The following MEMO1 variants were observed in gnomAD, a reference collection of about 807,000 sequenced individuals.
MEMO1 encodes protein MEMO1.
In MEMO1, 6 loss-of-function variants were observed where a neutral mutation model predicts 45.2. The observed-to-expected ratio is 0.13, with a 90% CI of 0.07 to 0.26. MEMO1 has a LOEUF of 0.26. Among genes scored for constraint, MEMO1 ranks in the 10% least tolerant of loss-of-function variants. MEMO1 has a pLI of 1.00. For missense variants in MEMO1, 184 were observed against 370.5 expected (o/e 0.50, Z 4.13); for synonymous variants, 78 against 124.3 (o/e 0.63, Z 2.48).
intron 6 of MEMO1, among the ~76,000 whole-genome samples, chr2:31,896,261 T>C (rs888520953): frequency 6.6e-6 from 1 of 152,174 alleles, no homozygotes; most frequent in Non-Finnish European, 1.5e-5. Context: ...AAAATAATAA[T>C]GAACTTGTCT....
At chr2:31,920,662 T>C (rs1341250851) in intron 5 of MEMO1, 136 bp downstream of exon 5, 5 of 433,700 alleles carry the variant, frequency 1.2e-5, no homozygotes, top group African/African-American at 2.1e-5. Flanking sequence ...TGCTGTTTTA[T>C]GCAGATTAGT....
At chr2:31,872,045 A>ACACACACACACACAC (rs1553355618) in intron 8 of MEMO1, among the ~76,000 whole-genome samples, 1 of 151,692 alleles carries the variant, frequency 6.6e-6, no homozygotes, top group African/African-American at 2.4e-5. Context: ...ACACACACAC[A>ACACACACACACACAC]AAGTTAAACC....
At chr2:31,911,613 G>A (rs940843845) in intron 6 of MEMO1, among the ~76,000 whole-genome samples, 7 of 152,134 alleles carry the variant, frequency 4.6e-5, no homozygotes, top group Admixed American at 2.0e-4. Context: ...AGGAAAAACC[G>A]CTTAGGTAGG....
intron 3 of MEMO1, among the ~76,000 whole-genome samples, chr2:31,932,724 C>T (rs1047764238): frequency 6.6e-6 from 1 of 152,100 alleles, no homozygotes; most frequent in Non-Finnish European, 1.5e-5. Context: ...CATAAGCCAC[C>T]GCACTTGGCC....
chr2:31,957,802 T>G (rs1461473752), intron 2 of MEMO1, among the ~76,000 whole-genome samples: 1 of 152,232 alleles, frequency 6.6e-6, no homozygotes, highest in Non-Finnish European at 1.5e-5. Context: ...TTCGTCAGCA[T>G]TTACAGATAA....
intron 2 of MEMO1, among the ~76,000 whole-genome samples, chr2:31,967,124 ATTTT>A (rs35691981): frequency 2.5e-5 from 3 of 118,390 alleles, no homozygotes; most frequent in Admixed American, 8.6e-5. Flanking sequence ...TCAGTATTTT[ATTTT>A]TTTTTTTTTT....
intron 6 of MEMO1, among the ~76,000 whole-genome samples, chr2:31,906,699 A>C (rs1245187840): frequency 2.6e-5 from 4 of 152,154 alleles, no homozygotes; most frequent in Admixed American, 6.5e-5. Context: ...TGTACCAGTC[A>C]CAGAATAAAA....
At chr2:32,003,321 T>C (rs1427519366) in intron 2 of MEMO1, among the ~76,000 whole-genome samples, 1 of 152,222 alleles carries the variant, frequency 6.6e-6, no homozygotes, top group African/African-American at 2.4e-5. Context: ...AAGAATGTTC[T>C]TTGAAATTAT....
intron 4 of MEMO1, among the ~76,000 whole-genome samples, chr2:31,923,247 T>C (rs1682595552): frequency 1.3e-5 from 2 of 152,200 alleles, no homozygotes; most frequent in Non-Finnish European, 2.9e-5. Flanking sequence ...TTTCATATGC[T>C]TGTTGGCCAC....
At chr2:31,907,122 C>T (rs571633986) in intron 6 of MEMO1, among the ~76,000 whole-genome samples, 22 of 152,258 alleles carry the variant, frequency 1.4e-4, no homozygotes, top group African/African-American at 4.8e-4. Flanking sequence ...TATGCCTAAT[C>T]CCATGAAAAC....
At chr2:31,968,126 G>C (rs912441341) in intron 2 of MEMO1, among the ~76,000 whole-genome samples, 2 of 152,186 alleles carry the variant, frequency 1.3e-5, no homozygotes, top group African/African-American at 4.8e-5. Context: ...ATTAGCTGCT[G>C]TGCTTAATAA....
At chr2:31,923,412 T>C (rs1347053212) in intron 4 of MEMO1, 2 of 354,066 alleles carry the variant, frequency 5.6e-6, no homozygotes, top group East Asian at 9.2e-5. Context: ...TAATCCTCAC[T>C]TCTTGTCATC....
At chr2:32,006,591 C>CAA (rs200802004) in intron 2 of MEMO1, among the ~76,000 whole-genome samples, 33 of 70,564 alleles carry the variant, frequency 4.7e-4, no homozygotes, top group African/African-American at 9.1e-4. Flanking sequence ...TGGACCTTAC[C>CAA]AAAAAAAAAA....
chr2:31,985,998 G>A (rs1158142451), intron 2 of MEMO1, among the ~76,000 whole-genome samples: 3 of 152,122 alleles, frequency 2.0e-5, no homozygotes, highest in Non-Finnish European at 2.9e-5. Flanking sequence ...TATATAGCTT[G>A]TCTGTGAGTT....
chr2:31,922,811 T>C (rs568000334), intron 4 of MEMO1, among the ~76,000 whole-genome samples: 2 of 152,148 alleles, frequency 1.3e-5, no homozygotes, highest in Non-Finnish European at 2.9e-5. Context: ...CTCATTCTTT[T>C]AAAGAGCTGT....
chr2:31,939,043 G>A (rs1017863738), intron 3 of MEMO1, among the ~76,000 whole-genome samples: 5 of 150,586 alleles, frequency 3.3e-5, no homozygotes, highest in Non-Finnish European at 4.4e-5. Flanking sequence ...CTCAGGCTCC[G>A]AAAGTGCTGG....
intron 2 of MEMO1, among the ~76,000 whole-genome samples, chr2:31,949,445 A>G (rs1277498794): frequency 6.6e-6 from 1 of 152,162 alleles, no homozygotes; most frequent in Non-Finnish European, 1.5e-5. Flanking sequence ...GTCATCTGCA[A>G]TAACATGGAT....
chr2:31,913,706 G>A (rs71446027), intron 6 of MEMO1, among the ~76,000 whole-genome samples: 14,865 of 151,926 alleles, frequency 0.098, 784 homozygotes, highest in Middle Eastern at 0.2. Flanking sequence ...TAGCAGATAC[G>A]GTCAAGACTA....
chr2:31,990,349 G>A (rs1200022996), intron 2 of MEMO1, among the ~76,000 whole-genome samples: 1 of 152,088 alleles, frequency 6.6e-6, no homozygotes, highest in Non-Finnish European at 1.5e-5. Context: ...CATTAAAAAT[G>A]TCATTTATGT....
Sources: allele counts gnomAD v4.1 joint callset (sites outside exome capture counted in the v4.1 genomes callset), GRCh38; gene constraint gnomAD v4.1.1; transcripts MANE v1.5; gene names NCBI Gene and HGNC (gene_info 2026-07-23, HGNC 2026-07-21).